TBC1D4: variants seen among roughly 807,000 people sequenced by gnomAD.
TBC1D4 encodes the protein TBC1 domain family member 4.
In TBC1D4, 121 loss-of-function variants were observed where a neutral mutation model predicts 142.5. That is an observed-to-expected ratio of 0.85 (90% CI 0.73 to 0.99). The LOEUF is 0.99. Among genes scored for constraint, TBC1D4 ranks in the 50% least tolerant of loss-of-function variants. TBC1D4 has a pLI of 0.00. For missense variants in TBC1D4, 1,475 were observed against 1,606.6 expected (o/e 0.92, Z 1.40); for synonymous variants, 630 against 628.2 (o/e 1.00, Z -0.04).
chr13:75,478,888 T>C (rs1247023072), intron 1 of TBC1D4, among the ~76,000 whole-genome samples: 1 of 152,240 alleles, frequency 6.6e-6, no homozygotes, highest in African/African-American at 2.4e-5. Context: ...AGATCAAAAG[T>C]GGCCGCTCAT....
intron 8 of TBC1D4, among the ~76,000 whole-genome samples, chr13:75,331,985 G>A (rs543682202): frequency 2.0e-5 from 3 of 152,224 alleles, no homozygotes; most frequent in East Asian, 1.9e-4. Flanking sequence ...TTGTTAGGTC[G>A]CAAAATTTAT....
intron 1 of TBC1D4, among the ~76,000 whole-genome samples, chr13:75,378,483 C>T (rs6562886): frequency 0.25 from 37,471 of 151,964 alleles, 4,930 homozygotes; most frequent in African/African-American, 0.34. Flanking sequence ...ATCAGTGATA[C>T]AGATGGAAAT....
chr13:75,427,385 G>C (rs1886421259), intron 1 of TBC1D4, among the ~76,000 whole-genome samples: 1 of 152,178 alleles, frequency 6.6e-6, no homozygotes, highest in Non-Finnish European at 1.5e-5. Context: ...TATTCAGATG[G>C]AACTTTCAAG....
chr13:75,403,740 G>GT (rs2138362450), intron 1 of TBC1D4, among the ~76,000 whole-genome samples: 1 of 152,102 alleles, frequency 6.6e-6, no homozygotes, highest in East Asian at 1.9e-4. Context: ...TCCCATCTCT[G>GT]TTTGTGCTTA....
At chr13:75,436,053 T>C (rs1026802260) in intron 1 of TBC1D4, among the ~76,000 whole-genome samples, 19 of 152,168 alleles carry the variant, frequency 1.2e-4, no homozygotes, top group Admixed American at 5.2e-4. Context: ...TGGGAGGTAA[T>C]TGAATCATGG....
At chr13:75,321,285 A>C (rs950350210) in intron 11 of TBC1D4, among the ~76,000 whole-genome samples, 3 of 152,192 alleles carry the variant, frequency 2.0e-5, no homozygotes, top group Non-Finnish European at 4.4e-5. Flanking sequence ...GAGAATGTAG[A>C]GTTCAGAAAC....
At position 75,356,129 on chromosome 13, in the gene TBC1D4, A is replaced by G. The variant is rs1482615351; in HGVS notation, c.1275+18T>C. On this transcript the variant is annotated intron_variant, in intron 4 of 20. Transcript: ENST00000377636. The stretch of plus-strand genomic sequence containing the variant: ...GATGTGTCCGCAGGAGCAGGCAGAC[A>G]GCAATAACACTACTTACCAGAGATT... 6 of 1,587,784 alleles carry G rather than the reference A, an allele frequency of 3.8e-6. No individual in the cohort carries two copies. The highest frequency in any genetic ancestry group is 5.2e-6 in the Non-Finnish European group (6 of 1,156,852).
intron 4 of TBC1D4, 118 bp downstream of exon 4, chr13:75,356,029 G>A: frequency 1.3e-6 from 1 of 774,892 alleles, no homozygotes; most frequent in Non-Finnish European, 2.2e-6. Context: ...CATATTTCTA[G>A]ACGCCTTCTT....
At chr13:75,355,492 T>A (rs2774170) in intron 4 of TBC1D4, among the ~76,000 whole-genome samples, 33,777 of 152,104 alleles carry the variant, frequency 0.22, 4,019 homozygotes, top group African/African-American at 0.3. Context: ...TGGGAATATA[T>A]CTTTTAATCA....
chr13:75,437,054 T>C (rs372453557), intron 1 of TBC1D4, among the ~76,000 whole-genome samples: 4 of 152,208 alleles, frequency 2.6e-5, no homozygotes, highest in African/African-American at 7.2e-5. Context: ...TCTTTGAAAA[T>C]GTCAAGGCAA....
intron 1 of TBC1D4, among the ~76,000 whole-genome samples, chr13:75,390,859 AGGGGAGG>A (rs1884437212): frequency 3.5e-4 from 1 of 2,848 alleles, no homozygotes; most frequent in African/African-American, 1.3e-3. Context: ...AGGGGAGGGG[AGGGGAGG>A]GGAGGGGAGG....
chr13:75,290,173 T>C (rs1875140003), intron 19 of TBC1D4, among the ~76,000 whole-genome samples: 1 of 152,154 alleles, frequency 6.6e-6, no homozygotes, highest in Non-Finnish European at 1.5e-5. Flanking sequence ...TGTACAACTT[T>C]ATATATTTTT....
At chr13:75,371,332 G>A (rs1883210160) in intron 1 of TBC1D4, among the ~76,000 whole-genome samples, 1 of 152,120 alleles carries the variant, frequency 6.6e-6, no homozygotes, top group Non-Finnish European at 1.5e-5. Flanking sequence ...CAAGAAACAG[G>A]GCAGAATTGC....
chr13:75,481,483 G>C lies in TBC1D4; in HGVS notation c.285C>G (p.Pro95=). ...VLSAPFLRCV[P]APGAGASGGT... ...CCCCCGAGGCCCCAGCGCCCGGCGCGGGGACGCAACGCAGGAAGGGCGCGC... is the reference window on the plus strand; with the variant it reads ...CCCCCGAGGCCCCAGCGCCCGGCGCCGGGACGCAACGCAGGAAGGGCGCGC... The change falls in exon 1 of 21, where the codon CCC becomes CCG. Residue 95 remains proline (P), a synonymous_variant. Coordinates refer to ENST00000377636, the MANE Select transcript of TBC1D4 (RefSeq NM_014832.5). 4 of 1,613,116 alleles carry C rather than the reference G, an allele frequency of 2.5e-6. No individual in the cohort carries two copies. Among genetic ancestry groups the C allele is most frequent in the Middle Eastern group, 1.7e-4 (1 of 6,052 alleles).
At chr13:75,448,199 AG>A (rs1044653887) in intron 1 of TBC1D4, among the ~76,000 whole-genome samples, 2 of 152,300 alleles carry the variant, frequency 1.3e-5, no homozygotes, top group East Asian at 1.9e-4. Context: ...GCTTAATAAA[AG>A]TTTACTGAAT....
intron 1 of TBC1D4, among the ~76,000 whole-genome samples, chr13:75,463,326 A>G (rs1345750496): frequency 3.3e-5 from 5 of 152,144 alleles, no homozygotes; most frequent in Non-Finnish European, 2.9e-5. Flanking sequence ...TGATTCCTGG[A>G]GTCATAATTA....
At chr13:75,377,399 C>A (rs901684742) in intron 1 of TBC1D4, 2 of 152,106 alleles carry the variant, frequency 1.3e-5, no homozygotes, top group Admixed American at 6.6e-5. Flanking sequence ...TGCTTTGAAT[C>A]TGCTAACACC....
At chr13:75,475,203 T>A (rs1469402205) in intron 1 of TBC1D4, among the ~76,000 whole-genome samples, 1 of 152,244 alleles carries the variant, frequency 6.6e-6, no homozygotes, top group Non-Finnish European at 1.5e-5. Flanking sequence ...AATGACATCC[T>A]TAGAGTTGGC....
chr13:75,324,644 G>A (rs1879077096), intron 10 of TBC1D4, among the ~76,000 whole-genome samples: 1 of 152,056 alleles, frequency 6.6e-6, no homozygotes, highest in Non-Finnish European at 1.5e-5. Flanking sequence ...AAGCATCTGT[G>A]TTTGTCTCTA....
Sources: allele counts gnomAD v4.1 joint callset (sites outside exome capture counted in the v4.1 genomes callset), GRCh38; gene constraint gnomAD v4.1.1; transcripts MANE v1.5; gene names NCBI Gene and HGNC (gene_info 2026-07-23, HGNC 2026-07-21).